ST6GAL2: variants seen among roughly 807,000 people sequenced by gnomAD.
The protein encoded by ST6GAL2 is ST6 beta-galactoside alpha-2,6-sialyltransferase 2.
In ST6GAL2, 24 loss-of-function variants were observed where a neutral mutation model predicts 37.5. The observed-to-expected ratio is 0.64, with a 90% CI of 0.46 to 0.90. ST6GAL2 has a LOEUF of 0.90. Among genes scored for constraint, ST6GAL2 ranks in the 40% least tolerant of loss-of-function variants. ST6GAL2 has a pLI of 0.00. For missense variants in ST6GAL2, 715 were observed against 712.7 expected (o/e 1.00, Z -0.04); for synonymous variants, 306 against 295.1 (o/e 1.04, Z -0.38).
In ST6GAL2 at chr2:106,873,662, C is replaced by T. The variant is rs114888014; in HGVS notation, c.-58+12431G>A. Among the ~76,000 whole-genome samples, 1,132 of 152,294 alleles carry T rather than the reference C, an allele frequency of 7.4e-3. 16 individuals are homozygous for T. Among genetic ancestry groups the T allele is most frequent in the African/African-American group, 0.026 (1,064 of 41,552 alleles). On this transcript the variant is annotated intron_variant, in intron 1 of 5. Transcript: ENST00000409382. ...AAGGAAGAAACAAAGATGCTGAATG[C>T]TATTTTTAATCATTTTCAACAGAAA...
intron 1 of ST6GAL2, among the ~76,000 whole-genome samples, chr2:106,869,842 C>T (rs530356604): frequency 6.6e-6 from 1 of 152,274 alleles, no homozygotes; most frequent in South Asian, 2.1e-4. Context: ...GTCCTCTCTG[C>T]ACCTCACCCC....
chr2:106,884,586 C>T (rs1324451225), intron 1 of ST6GAL2, among the ~76,000 whole-genome samples: 1 of 152,102 alleles, frequency 6.6e-6, no homozygotes, highest in African/African-American at 2.4e-5. Flanking sequence ...GAAGCTTTCA[C>T]AGCACCAAGC....
intron 5 of ST6GAL2, among the ~76,000 whole-genome samples, chr2:106,815,989 G>T (rs1179558704): frequency 6.6e-6 from 1 of 152,188 alleles, no homozygotes; most frequent in Non-Finnish European, 1.5e-5. Flanking sequence ...AGGGAGCCTT[G>T]TTCATTACAA....
intron 2 of ST6GAL2, among the ~76,000 whole-genome samples, chr2:106,842,825 C>A (rs1335389122): frequency 1.3e-5 from 2 of 152,130 alleles, no homozygotes; most frequent in African/African-American, 4.8e-5. Context: ...AAGAGTCTCC[C>A]GAAGAGTACT....
At chr2:106,821,810 C>A (rs1246038521) in intron 5 of ST6GAL2, among the ~76,000 whole-genome samples, 4 of 152,070 alleles carry the variant, frequency 2.6e-5, no homozygotes, top group Non-Finnish European at 5.9e-5. Context: ...AAAAACCATT[C>A]ATCACAACCA....
chr2:106,869,092 A>G (rs1678154310), intron 1 of ST6GAL2, among the ~76,000 whole-genome samples: 1 of 152,120 alleles, frequency 6.6e-6, no homozygotes, highest in Non-Finnish European at 1.5e-5. Context: ...ATATCTTAAG[A>G]ACTGGTGGCA....
At chr2:106,828,487 C>T (rs896957034) in intron 5 of ST6GAL2, among the ~76,000 whole-genome samples, 11 of 152,080 alleles carry the variant, frequency 7.2e-5, no homozygotes, top group Admixed American at 5.9e-4. Flanking sequence ...AGAAAAAAAG[C>T]TGAGCTTAAG....
At chr2:106,807,777 A>C (rs571256700) in intron 5 of ST6GAL2, among the ~76,000 whole-genome samples, 85 of 151,526 alleles carry the variant, frequency 5.6e-4, no homozygotes, top group African/African-American at 1.9e-3. Context: ...GGCGCCCACC[A>C]CCACGCCCGG....
intron 1 of ST6GAL2, among the ~76,000 whole-genome samples, chr2:106,882,160 C>T (rs1012154114): frequency 2.0e-5 from 3 of 152,214 alleles, no homozygotes. Flanking sequence ...TCCCTGACAT[C>T]CTCTTCCATC....
intron 5 of ST6GAL2, among the ~76,000 whole-genome samples, chr2:106,807,758 G>C: frequency 6.6e-6 from 1 of 151,190 alleles, no homozygotes; most frequent in South Asian, 2.1e-4. Context: ...CCAAGTAGCC[G>C]GGACTACAGG....
intron 1 of ST6GAL2, among the ~76,000 whole-genome samples, chr2:106,851,521 A>G (rs1468821797): frequency 2.0e-5 from 3 of 152,240 alleles, no homozygotes; most frequent in Non-Finnish European, 4.4e-5. Flanking sequence ...ATTACACTGC[A>G]GCTTAAGGTT....
chr2:106,843,801 C>T lies in ST6GAL2; in HGVS notation c.177G>A (p.Arg59=). The change falls in exon 2 of 6, where the codon CGG becomes CGA. Residue 59 remains arginine (R), a synonymous_variant. Transcript: ENST00000409382. ...RRLLPVQGKQ[R]AIMGAAHEPS... ...GCTCATGTGCGGCGCCCATGATGGC[C>T]CGCTGCTTCCCCTGCACCGGCAGGA... 3.1e-6 allele frequency: 5 copies of T among 1,611,142 alleles called. No individual in the cohort carries two copies. The highest frequency in any genetic ancestry group is 4.2e-6 in the Non-Finnish European group (5 of 1,178,616).
At chr2:106,816,049 A>G (rs1352966187) in intron 5 of ST6GAL2, among the ~76,000 whole-genome samples, 4 of 152,230 alleles carry the variant, frequency 2.6e-5, no homozygotes, top group African/African-American at 4.8e-5. Flanking sequence ...ATACACTAAA[A>G]TAAAGTCAGG....
chr2:106,837,363 G>A (rs1013086293), intron 2 of ST6GAL2, among the ~76,000 whole-genome samples: 1 of 152,124 alleles, frequency 6.6e-6, no homozygotes, highest in African/African-American at 2.4e-5. Context: ...GTGCTAAGAA[G>A]CCCCTGTCTC....
At position 106,840,107 on chromosome 2, in the gene ST6GAL2, G is replaced by C. The variant is rs182955436; in HGVS notation, c.943+2928C>G. Among the ~76,000 whole-genome samples, 37 of 152,282 alleles carry C rather than the reference G, an allele frequency of 2.4e-4. No individual in the cohort carries two copies. In the South Asian group the frequency reaches 6.2e-3, roughly 26 times the overall value. ...TCCCTTTGACGTCAGCATGGAGAGG[G>C]CTCCTCCTGGCAGAACATAGGTAGG... On this transcript the variant is annotated intron_variant, in intron 2 of 5. Transcript: ENST00000409382.
intron 1 of ST6GAL2, among the ~76,000 whole-genome samples, chr2:106,859,970 C>T (rs1163061433): frequency 1.3e-5 from 2 of 152,100 alleles, no homozygotes; most frequent in African/African-American, 4.8e-5. Flanking sequence ...TCCTTGCTCC[C>T]TCCTACCCGA....
intron 1 of ST6GAL2, among the ~76,000 whole-genome samples, chr2:106,847,579 T>C (rs561483461): frequency 5.3e-5 from 8 of 152,296 alleles, no homozygotes; most frequent in African/African-American, 1.9e-4. Flanking sequence ...CATGTAATTA[T>C]CTGCTGCTTG....
intron 1 of ST6GAL2, among the ~76,000 whole-genome samples, chr2:106,860,833 C>A (rs12475655): frequency 0.1 from 15,241 of 152,144 alleles, 967 homozygotes; most frequent in Admixed American, 0.12. Flanking sequence ...CAACCATATA[C>A]AATGGATATG....
At position 106,803,310 on chromosome 2, in the gene ST6GAL2, A is replaced by G. The variant is rs1675316542; in HGVS notation, c.*3368T>C. ...TTCTCGAAGCTCTGCCTTCAGGCAG[A>G]CAAGGAAAGACCTGGTCGTTCAAAG... On this transcript the variant is annotated 3_prime_UTR_variant, in exon 6 of 6. Coordinates refer to ENST00000409382, the MANE Select transcript of ST6GAL2 (RefSeq NM_001142351.2). 6.6e-6 allele frequency: 1 copy of G among 152,200 alleles called. No homozygotes were observed. The highest frequency in any genetic ancestry group is 1.5e-5 in the Non-Finnish European group (1 of 68,058). The allele number at this position is 152,200 out of a possible 1,614,324, so 9.4% of individuals were successfully genotyped here.
Sources: allele counts gnomAD v4.1 joint callset (sites outside exome capture counted in the v4.1 genomes callset), GRCh38; gene constraint gnomAD v4.1.1; transcripts MANE v1.5; gene names NCBI Gene and HGNC (gene_info 2026-07-23, HGNC 2026-07-21).